The following ZNF562 variants were observed in gnomAD, a reference collection of about 807,000 sequenced individuals.
ZNF562 encodes the protein zinc finger protein 562.
In ZNF562, 13 loss-of-function variants were observed where a neutral mutation model predicts 17.5. The observed-to-expected ratio is 0.74, with a 90% CI of 0.48 to 1.18. ZNF562 has a LOEUF of 1.18. Ranked by LOEUF, ZNF562 falls within the 50% of genes most tolerant of loss-of-function variation. ZNF562 has a pLI of 0.00. For synonymous variants in ZNF562, 163 were observed against 165.4 expected, an observed-to-expected ratio of 0.99 and a Z score of 0.11; for missense variants, 481 against 498.5, an observed-to-expected ratio of 0.96 and a Z score of 0.33.
rs1487039990 is a variant in ZNF562 at position 9,669,726 on chromosome 19, GCGCGCGCGCACA to G, written c.-131+5277_-131+5288del. 4.7e-3 allele frequency among the ~76,000 whole-genome samples: 398 copies of G among 85,062 alleles called. 3 individuals are homozygous for G. Among genetic ancestry groups the G allele is most frequent in the African/African-American group, 0.015 (326 of 21,986 alleles). 55.8% of individuals were successfully genotyped at this position (85,062 alleles called of 152,430 possible). A position where few individuals can be genotyped will look rare whatever the true frequency, so the allele number is the denominator to read the frequency against. ...TGCATGCACGCGCGCGAGCGCGCGC[GCGCGCGCGCACA>G]CACACACACACACACACACACACAC... On this transcript the variant is annotated intron_variant, in intron 1 of 5. Transcript: ENST00000453372.
At chr19:9,665,154 G>T (rs140853231) in intron 1 of ZNF562, among the ~76,000 whole-genome samples, 1 of 151,604 alleles carries the variant, frequency 6.6e-6, no homozygotes, top group Admixed American at 6.6e-5. Flanking sequence ...CCTGGGAGGC[G>T]GAGGTTGCAG....
In ZNF562 at chr19:9,653,222, T is replaced by C; in HGVS notation, c.1008A>G (p.Arg336=). The C allele has an allele frequency of 3.1e-6, 5 of 1,614,206 alleles. No homozygotes were observed. The highest frequency in any genetic ancestry group is 4.2e-6 in the Non-Finnish European group (5 of 1,180,028). ...TRSTHLTQHV[R]THTGIKPYEC... The stretch of plus-strand genomic sequence containing the variant: ...CATAGGGTTTTATTCCAGTGTGAGT[T>C]CTTACATGTTGAGTAAGGTGAGTTG... The change falls in exon 6 of 6, where the codon AGA becomes AGG. Residue 336 remains arginine, a synonymous_variant. Transcript: ENST00000453372.
chr19:9,655,111 C>T (rs1297134696), intron 5 of ZNF562, among the ~76,000 whole-genome samples: 1 of 152,122 alleles, frequency 6.6e-6, no homozygotes, highest in Non-Finnish European at 1.5e-5. Flanking sequence ...CTGCCTCAGT[C>T]TCCTGAGGAG....
rs1464175395 is a variant in ZNF562, at chr19:9,644,133, A to T, written c.*8816T>A. 6.6e-6 allele frequency: 1 copy of T among 151,990 alleles called. No homozygotes were observed. The highest frequency in any genetic ancestry group is 2.4e-5 in the African/African-American group (1 of 41,378). The allele number at this position is 151,990 out of a possible 1,614,324, so 9.4% of individuals were successfully genotyped here. A position where few individuals can be genotyped will look rare whatever the true frequency, so the allele number is the denominator to read the frequency against. ...TGTACCAATATTCATTACCAATATA[A>T]TTCTGTAGTTTTTAATGACTGTACT... On this transcript the variant is annotated 3_prime_UTR_variant, in exon 6 of 6. Coordinates refer to ENST00000453372, the MANE Select transcript of ZNF562 (RefSeq NM_001130031.2).
intron 4 of ZNF562, 101 bp downstream of exon 4, chr19:9,657,908 A>G (rs974871522): frequency 1.0e-5 from 15 of 1,433,048 alleles, no homozygotes; most frequent in East Asian, 2.4e-5. Context: ...CCATGCTAGT[A>G]TCAAACTCCC....
At chr19:9,666,087 G>A (rs1389232942) in intron 1 of ZNF562, among the ~76,000 whole-genome samples, 1 of 152,010 alleles carries the variant, frequency 6.6e-6, no homozygotes, top group Non-Finnish European at 1.5e-5. Flanking sequence ...CACTTTGGGA[G>A]GCCGAGGTGG....
intron 1 of ZNF562, among the ~76,000 whole-genome samples, chr19:9,667,970 T>A (rs934066892): frequency 6.6e-6 from 1 of 152,162 alleles, no homozygotes; most frequent in African/African-American, 2.4e-5. Flanking sequence ...TCAGTAAATG[T>A]TCAGGACACA....
Position 9,644,867 on chromosome 19 carries a change from A to G in ZNF562, c.*8082T>C, listed in dbSNP as rs947226901. Reference sequence around the variant, plus strand: ...CAAGATGACATTTGGGTGGGGACACAGCCAAACCATATCAGCTGGCAACTT... The same window carrying G: ...CAAGATGACATTTGGGTGGGGACACGGCCAAACCATATCAGCTGGCAACTT... On this transcript the variant is annotated 3_prime_UTR_variant, in exon 6 of 6. Coordinates refer to ENST00000453372, the MANE Select transcript of ZNF562 (RefSeq NM_001130031.2). The G allele has an allele frequency of 2.0e-5, 3 of 152,164 alleles. No homozygotes were observed. Among genetic ancestry groups the G allele is most frequent in the African/African-American group, 7.2e-5 (3 of 41,444 alleles). 9.4% of individuals were successfully genotyped at this position (152,164 alleles called of 1,614,324 possible). A position where few individuals can be genotyped will look rare whatever the true frequency, so the allele number is the denominator to read the frequency against.
In ZNF562 at chr19:9,659,236, G is replaced by A. The variant is rs1003263122; in HGVS notation, c.114+143C>T. The A allele has an allele frequency of 1.1e-5, 8 of 718,236 alleles. No homozygotes were observed. In the African/African-American group the frequency reaches 1.4e-4, roughly 13 times the overall value. 44.5% of individuals were successfully genotyped at this position (718,236 alleles called of 1,614,324 possible). A position where few individuals can be genotyped will look rare whatever the true frequency, so the allele number is the denominator to read the frequency against. ...ATGTATAGGAGACTTCATTCCCTGG[G>A]GAAATTCACCTGGGGATTCAGTCCT... is the stretch of plus-strand genomic sequence containing the variant. On this transcript the variant is annotated intron_variant, in intron 3 of 5. Coordinates refer to ENST00000453372, the MANE Select transcript of ZNF562 (RefSeq NM_001130031.2).
chr19:9,670,091 T>C (rs1179025046), intron 1 of ZNF562, among the ~76,000 whole-genome samples: 1 of 151,712 alleles, frequency 6.6e-6, no homozygotes, highest in Non-Finnish European at 1.5e-5. Context: ...CAAAAAAACT[T>C]AGCCAGGTGT....
chr19:9,651,285 G>C lies in ZNF562; in HGVS notation c.*1664C>G, dbSNP rs2074863929. On this transcript the variant is annotated 3_prime_UTR_variant, in exon 6 of 6. Transcript: ENST00000453372. ...GGGAAATGAAGAAAAGACAACCCTT[G>C]ATATAAAGTGGTGAAGAACTTGGCA... The C allele has an allele frequency of 6.6e-6, 1 of 152,196 alleles. No individual in the cohort carries two copies. The highest frequency in any genetic ancestry group is 1.5e-5 in the Non-Finnish European group (1 of 68,062). 9.4% of individuals were successfully genotyped at this position (152,196 alleles called of 1,614,324 possible).
chr19:9,663,780 G>A (rs905116129), intron 1 of ZNF562, among the ~76,000 whole-genome samples: 3 of 151,720 alleles, frequency 2.0e-5, no homozygotes, highest in Non-Finnish European at 4.4e-5. Flanking sequence ...AGGTTCAAGC[G>A]ATTTTCCTGC....
In ZNF562 at chr19:9,650,113, AAT is replaced by A. The variant is rs988682538; in HGVS notation, c.*2834_*2835del. 1 of 152,216 alleles carries A rather than the reference AAT, an allele frequency of 6.6e-6. No individual in the cohort carries two copies. The highest frequency in any genetic ancestry group is 2.4e-5 in the African/African-American group (1 of 41,540). The allele number at this position is 152,216 out of a possible 1,614,324, so 9.4% of individuals were successfully genotyped here. On this transcript the variant is annotated 3_prime_UTR_variant, in exon 6 of 6. Transcript: ENST00000453372. ...TAAAAGCCTACAGCCAAACCAACAA[AAT>A]AGAGTGCATATCTCACCAGAACTGC... is the stretch of plus-strand genomic sequence containing the variant.
chr19:9,673,133 C>T (rs2044261374), intron 1 of ZNF562, among the ~76,000 whole-genome samples: 1 of 152,128 alleles, frequency 6.6e-6, no homozygotes, highest in African/African-American at 2.4e-5. Context: ...ATCCCACCAT[C>T]ATGACTCACA....
chr19:9,652,496 C>T lies in ZNF562; in HGVS notation c.*453G>A, dbSNP rs2074883174. Reference sequence around the variant, plus strand: ...ATCAATCTGCATGATTTATCTCGTACAGAACTTGTTAATGCTATGATCTTA... The same window carrying T: ...ATCAATCTGCATGATTTATCTCGTATAGAACTTGTTAATGCTATGATCTTA... On this transcript the variant is annotated 3_prime_UTR_variant, in exon 6 of 6. Coordinates refer to ENST00000453372, the MANE Select transcript of ZNF562 (RefSeq NM_001130031.2). 6.5e-6 allele frequency: 1 copy of T among 153,042 alleles called. No individual in the cohort carries two copies. Among genetic ancestry groups the T allele is most frequent in the African/African-American group, 2.4e-5 (1 of 41,450 alleles). The allele number at this position is 153,042 out of a possible 1,614,324, so 9.5% of individuals were successfully genotyped here.
intron 1 of ZNF562, among the ~76,000 whole-genome samples, chr19:9,666,956 C>T (rs1356431333): frequency 7.2e-5 from 11 of 152,070 alleles, no homozygotes; most frequent in African/African-American, 2.7e-4. Flanking sequence ...GAACTAATAC[C>T]AATACTACTT....
In ZNF562 at chr19:9,641,914, A is replaced by C. The variant is rs1045432733; in HGVS notation, c.*11035T>G. The C allele has an allele frequency of 1.3e-5, 2 of 152,098 alleles. No homozygotes were observed. Among genetic ancestry groups the C allele is most frequent in the African/African-American group, 4.8e-5 (2 of 41,426 alleles). 9.4% of individuals were successfully genotyped at this position (152,098 alleles called of 1,614,324 possible). On this transcript the variant is annotated 3_prime_UTR_variant, in exon 6 of 6. Coordinates refer to ENST00000453372, the MANE Select transcript of ZNF562 (RefSeq NM_001130031.2). ...CATTAGTTCTCATAGGTTTGGGATA[A>C]GCGGTGGAGTTAGGAGCAATTTTTT...
intron 1 of ZNF562, among the ~76,000 whole-genome samples, chr19:9,672,050 C>T (rs1472468106): frequency 6.6e-6 from 1 of 152,190 alleles, no homozygotes; most frequent in Non-Finnish European, 1.5e-5. Context: ...TTTACACACA[C>T]CATGAGAATC....
At chr19:9,661,804 C>T (rs1358868524) in intron 1 of ZNF562, among the ~76,000 whole-genome samples, 1 of 151,976 alleles carries the variant, frequency 6.6e-6, no homozygotes, top group African/African-American at 2.4e-5. Flanking sequence ...CAAACAACAA[C>T]AACAAAAAAG....
Sources: gnomAD v4.1 joint callset for allele counts (sites outside exome capture counted in the v4.1 genomes callset) on GRCh38, gnomAD v4.1.1 for gene constraint, MANE v1.5 for transcripts, NCBI Gene and HGNC (gene_info 2026-07-23, HGNC 2026-07-21) for gene names.